The following CCDC85A variants were observed in gnomAD, a reference collection of about 807,000 sequenced individuals.
CCDC85A encodes the protein coiled-coil domain-containing protein 85A.
A neutral mutation model predicts 50.2 loss-of-function variants in CCDC85A; 38 were observed. The ratio of observed to expected loss-of-function variants is 0.76; its 90% CI spans 0.58 to 0.99. The LOEUF (loss-of-function observed/expected upper bound fraction) is 0.99. Among genes scored for constraint, CCDC85A ranks in the 50% least tolerant of loss-of-function variants. The pLI, the probability that CCDC85A is intolerant of heterozygous loss-of-function variation, is 0.00. For synonymous variants in CCDC85A, 366 were observed against 301.4 expected (o/e 1.21, Z -2.22); for missense variants, 820 against 742.0 (o/e 1.11, Z -1.22).
intron 3 of CCDC85A, among the ~76,000 whole-genome samples, chr2:56,355,175 C>T (rs1355134860): frequency 6.6e-6 from 1 of 152,168 alleles, no homozygotes; most frequent in Non-Finnish European, 1.5e-5. Flanking sequence ...TTGGAGCTCC[C>T]GAGTTTTCCA....
At chr2:56,248,770 G>C (rs1428225348) in intron 2 of CCDC85A, among the ~76,000 whole-genome samples, 6 of 152,164 alleles carry the variant, frequency 3.9e-5, no homozygotes, top group African/African-American at 1.4e-4. Context: ...TCAGTGTCAG[G>C]ACACTGGTCT....
intron 2 of CCDC85A, among the ~76,000 whole-genome samples, chr2:56,267,842 C>G (rs968624143): frequency 3.9e-5 from 6 of 152,124 alleles, no homozygotes; most frequent in Non-Finnish European, 7.4e-5. Context: ...GAAATTTCTC[C>G]TTGAACCCAG....
intron 2 of CCDC85A, among the ~76,000 whole-genome samples, chr2:56,211,647 C>A (rs72801178): frequency 0.045 from 6,817 of 151,982 alleles, 207 homozygotes; most frequent in Middle Eastern, 0.099. Flanking sequence ...ATCACAATTT[C>A]CCTGGTTGGA....
At chr2:56,313,612 G>A (rs1381331367) in intron 2 of CCDC85A, among the ~76,000 whole-genome samples, 3 of 152,124 alleles carry the variant, frequency 2.0e-5, no homozygotes, top group Non-Finnish European at 2.9e-5. Context: ...TTTGCCAAAC[G>A]TTTACTGCTC....
At chr2:56,354,555 G>C (rs561929537) in intron 3 of CCDC85A, among the ~76,000 whole-genome samples, 9 of 152,308 alleles carry the variant, frequency 5.9e-5, no homozygotes, top group Non-Finnish European at 8.8e-5. Flanking sequence ...TTGACATCAT[G>C]AAAGAATTGT....
At chr2:56,325,793 T>C (rs995321879) in intron 2 of CCDC85A, among the ~76,000 whole-genome samples, 2 of 152,148 alleles carry the variant, frequency 1.3e-5, no homozygotes, top group African/African-American at 4.8e-5. Flanking sequence ...GCATCTGTAT[T>C]TCTTAAGCCC....
chr2:56,303,531 A>C (rs1672300331), intron 2 of CCDC85A, among the ~76,000 whole-genome samples: 1 of 152,142 alleles, frequency 6.6e-6, no homozygotes, highest in South Asian at 2.1e-4. Flanking sequence ...TAGAATAAGT[A>C]GGCATTTCCT....
rs1041624811 is a variant in CCDC85A, at chr2:56,384,601, G to C, written c.*246G>C. ...AAGGTAGCTTTGAACATCTCAAACAGAGTAGCTTTGAAAATCAACATTTTG... is the reference window on the plus strand; with the variant it reads ...AAGGTAGCTTTGAACATCTCAAACACAGTAGCTTTGAAAATCAACATTTTG... On this transcript the variant is annotated 3_prime_UTR_variant, in exon 6 of 6. Coordinates refer to ENST00000407595, the MANE Select transcript of CCDC85A (RefSeq NM_001080433.2). 2 of 381,654 alleles carry C rather than the reference G, an allele frequency of 5.2e-6. No individual in the cohort carries two copies. Among genetic ancestry groups the C allele is most frequent in the Non-Finnish European group, 9.6e-6 (2 of 207,546 alleles). The allele number at this position is 381,654 out of a possible 1,614,324, so 23.6% of individuals were successfully genotyped here. A position where few individuals can be genotyped will look rare whatever the true frequency, so the allele number is the denominator to read the frequency against.
chr2:56,186,366 A>T (rs986315638), intron 1 of CCDC85A, among the ~76,000 whole-genome samples: 2 of 152,176 alleles, frequency 1.3e-5, no homozygotes, highest in Admixed American at 1.3e-4. Flanking sequence ...ACTTTCTCAG[A>T]TCCTCCTTTT....
Position 56,372,442 on chromosome 2 carries a change from G to T in CCDC85A, c.1416G>T (p.Gly472=). The T allele has an allele frequency of 3.7e-6, 6 of 1,610,216 alleles. No individual in the cohort carries two copies. The highest frequency in any genetic ancestry group is 5.1e-6 in the Non-Finnish European group (6 of 1,178,186). The part of the protein sequence containing the change: ...RARRVLQWWQ[G]CRGIGRCLPT... ...GGCGGGTCTTGCAGTGGTGGCAAGG[G>T]TGCCGAGGAATAGGACGATGCCTGC... Residue 472 remains glycine (G), a synonymous_variant, in exon 4 of 6, where the codon GGG becomes GGT. Transcript: ENST00000407595.
chr2:56,358,907 C>G (rs1430182887), intron 3 of CCDC85A, among the ~76,000 whole-genome samples: 1 of 151,866 alleles, frequency 6.6e-6, no homozygotes, highest in Non-Finnish European at 1.5e-5. Flanking sequence ...GCCTCAGCCT[C>G]CCATGTAGCT....
Position 56,184,739 on chromosome 2 carries a change from G to C in CCDC85A, c.115G>C (p.Val39Leu). ...CGCGCCGGTGGAGGACCTGTCCAAA[G>C]TGTCGGACGAGGAGCTGCTGCAGTG... ...PPAPVEDLSK[V>L]SDEELLQWSK... The change falls in exon 1 of 6, where the codon GTG becomes CTG. Residue 39 changes from valine to leucine, a missense_variant. Transcript: ENST00000407595. 1 of 1,543,088 alleles carries C rather than the reference G, an allele frequency of 6.5e-7. No homozygotes were observed. Among genetic ancestry groups the C allele is most frequent in the Non-Finnish European group, 8.7e-7 (1 of 1,145,316 alleles).
chr2:56,237,091 G>T (rs1669052629), intron 2 of CCDC85A, among the ~76,000 whole-genome samples: 1 of 151,998 alleles, frequency 6.6e-6, no homozygotes, highest in Non-Finnish European at 1.5e-5. Flanking sequence ...GCTTATTTAG[G>T]CATTTTTCTT....
At chr2:56,243,901 T>C (rs1002333854) in intron 2 of CCDC85A, among the ~76,000 whole-genome samples, 8 of 152,224 alleles carry the variant, frequency 5.3e-5, no homozygotes, top group East Asian at 1.9e-4. Context: ...ATAGAGGTAT[T>C]GCCTTGGTGG....
At position 56,302,955 on chromosome 2, in the gene CCDC85A, G is replaced by T. The variant is rs77569733; in HGVS notation, c.1241-39924G>T. On this transcript the variant is annotated intron_variant, in intron 2 of 5. Coordinates refer to ENST00000407595, the MANE Select transcript of CCDC85A (RefSeq NM_001080433.2). ...GGCATTTTAGCTGTGAAAACCAAGT[G>T]GGGGGAAGTTAAGTCCTGTGGTGTG... is the stretch of plus-strand genomic sequence containing the variant. Among the ~76,000 whole-genome samples, 1,048 of 152,236 alleles carry T rather than the reference G, an allele frequency of 6.9e-3. 9 individuals are homozygous for T. Among genetic ancestry groups the T allele is most frequent in the African/African-American group, 0.024 (985 of 41,560 alleles).
At chr2:56,352,547 T>G (rs1048835353) in intron 3 of CCDC85A, among the ~76,000 whole-genome samples, 1 of 152,146 alleles carries the variant, frequency 6.6e-6, no homozygotes, top group Non-Finnish European at 1.5e-5. Flanking sequence ...GGTCCCACCA[T>G]GTTGGCCAGG....
intron 2 of CCDC85A, among the ~76,000 whole-genome samples, chr2:56,316,230 G>A (rs561949213): frequency 6.6e-6 from 1 of 152,224 alleles, no homozygotes; most frequent in South Asian, 2.1e-4. Context: ...AATTTGGTTT[G>A]GACAGCTTTT....
At chr2:56,358,588 T>C (rs980225177) in intron 3 of CCDC85A, among the ~76,000 whole-genome samples, 1 of 152,300 alleles carries the variant, frequency 6.6e-6, no homozygotes, top group African/African-American at 2.4e-5. Flanking sequence ...CATCCTGCCA[T>C]TGTAGTGTGA....
At chr2:56,293,032 G>T (rs1262588263) in intron 2 of CCDC85A, among the ~76,000 whole-genome samples, 1 of 152,204 alleles carries the variant, frequency 6.6e-6, no homozygotes, top group Non-Finnish European at 1.5e-5. Context: ...TTACAGTGCA[G>T]GGCAATGAGT....
Sources: gnomAD v4.1 joint callset for allele counts (sites outside exome capture counted in the v4.1 genomes callset) on GRCh38, gnomAD v4.1.1 for gene constraint, MANE v1.5 for transcripts, NCBI Gene and HGNC (gene_info 2026-07-23, HGNC 2026-07-21) for gene names.